MINDY2: variants seen among roughly 807,000 people sequenced by gnomAD.
The protein encoded by MINDY2 is ubiquitin carboxyl-terminal hydrolase MINDY-2.
A neutral mutation model predicts 68.2 loss-of-function variants in MINDY2; 52 were observed. That is an observed-to-expected ratio of 0.76 (90% CI 0.61 to 0.96). The LOEUF is 0.96. Ranked by LOEUF, MINDY2 falls within the 40% of genes least tolerant of loss-of-function variation. The pLI is 0.00. For synonymous variants in MINDY2, 372 were observed against 303.0 expected (o/e 1.23, Z -2.36); for missense variants, 881 against 773.4 (o/e 1.14, Z -1.65).
At chr15:58,848,546 A>G (rs910828224) in intron 7 of MINDY2, among the ~76,000 whole-genome samples, 5 of 152,050 alleles carry the variant, frequency 3.3e-5, no homozygotes, top group Non-Finnish European at 4.4e-5. Flanking sequence ...GATCGAGACC[A>G]TCCTGGCTAA....
rs1228945388 is a variant in MINDY2, at chr15:58,771,822, C to T, written c.427C>T (p.Leu143=). 6.2e-7 allele frequency: 1 copy of T among 1,608,970 alleles called. No individual in the cohort carries two copies. The highest frequency in any genetic ancestry group is 1.3e-5 in the African/African-American group (1 of 74,852). Residue 143 remains leucine, a synonymous_variant, in exon 1 of 9, where the codon CTG becomes TTG. Coordinates refer to ENST00000559228, the MANE Select transcript of MINDY2 (RefSeq NM_001040450.3). ...TCTCGCCGGCACCTGCCAAGCAGAA[C>T]TGACCGCCGCCGGCTCCGAAGAGCC... The part of the protein sequence containing the change: ...PDLAGTCQAE[L]TAAGSEEPSS...
intron 3 of MINDY2, among the ~76,000 whole-genome samples, chr15:58,803,968 A>AAAAC (rs1902849760): frequency 6.8e-6 from 1 of 147,492 alleles, no homozygotes; most frequent in African/African-American, 2.5e-5. Flanking sequence ...AAAAAAAAAA[A>AAAAC]ATACAAAAAA....
intron 6 of MINDY2, among the ~76,000 whole-genome samples, chr15:58,833,999 C>A (rs186298397): frequency 2.1e-3 from 319 of 152,254 alleles, no homozygotes; most frequent in African/African-American, 7.5e-3. Context: ...TCCCTGCAGC[C>A]TTCCGCAGTG....
Position 58,850,907 on chromosome 15 carries a change from T to C in MINDY2, c.1543-864T>C, listed in dbSNP as rs2032778869. Among the ~76,000 whole-genome samples, 2 of 151,984 alleles carry C rather than the reference T, an allele frequency of 1.3e-5. 1 individual carries two copies. The highest frequency in any genetic ancestry group is 4.1e-4 in the South Asian group (2 of 4,820). Reference sequence around the variant, plus strand: ...TGGCTCCCCGCTACTTTTTGTTTGGTTTTGTTTTTAGCTTTCTTGGCTGCC... The same window carrying C: ...TGGCTCCCCGCTACTTTTTGTTTGGCTTTGTTTTTAGCTTTCTTGGCTGCC... On this transcript the variant is annotated intron_variant, in intron 7 of 8. Transcript: ENST00000559228.
rs930641341 is a variant in MINDY2 at position 58,772,833 on chromosome 15, C to T, written c.840+598C>T. ...GTTTTCATTTTATGCATGATTTTTA[C>T]TTGCCTCATTTCTTTGGCTCTCCTT... is the stretch of plus-strand genomic sequence containing the variant. On this transcript the variant is annotated intron_variant, in intron 1 of 8. Transcript: ENST00000559228. Among the ~76,000 whole-genome samples the T allele has an allele frequency of 5.3e-5, 8 of 152,280 alleles. No homozygotes were observed. The East Asian group carries it at 9.6e-4, about 18-fold the overall frequency.
In MINDY2 at chr15:58,771,346, T is replaced by A; in HGVS notation, c.-50T>A. The stretch of plus-strand genomic sequence containing the variant: ...CTGTCATGGCGTCCAAGGCGCTGGC[T>A]GCGGAGAAGTGGCCGCGGTCTCCAT... On this transcript the variant is annotated 5_prime_UTR_variant, in exon 1 of 9. Transcript: ENST00000559228. 1 of 1,561,324 alleles carries A rather than the reference T, an allele frequency of 6.4e-7. No homozygotes were observed. Among genetic ancestry groups the A allele is most frequent in the Non-Finnish European group, 8.6e-7 (1 of 1,156,134 alleles).
At chr15:58,817,181 C>T (rs2030743468) in intron 4 of MINDY2, among the ~76,000 whole-genome samples, 1 of 152,006 alleles carries the variant, frequency 6.6e-6, no homozygotes, top group African/African-American at 2.4e-5. Context: ...AAAAGCAAGC[C>T]ACAGAGTAGA....
At chr15:58,773,662 A>G (rs1034595278) in intron 1 of MINDY2, among the ~76,000 whole-genome samples, 3 of 151,942 alleles carry the variant, frequency 2.0e-5, no homozygotes, top group South Asian at 2.1e-4. Context: ...AGAAAACTTC[A>G]TGGGATTTAT....
chr15:58,836,190 G>A (rs749230287), intron 6 of MINDY2, among the ~76,000 whole-genome samples: 9 of 151,878 alleles, frequency 5.9e-5, no homozygotes, highest in Admixed American at 2.0e-4. Flanking sequence ...GATTACAGGC[G>A]TGAGCGACCG....
At chr15:58,849,086 T>C (rs1423838876) in intron 7 of MINDY2, among the ~76,000 whole-genome samples, 1 of 151,966 alleles carries the variant, frequency 6.6e-6, no homozygotes, top group Non-Finnish European at 1.5e-5. Context: ...GGTGCGCACC[T>C]GTAACCCCAA....
At chr15:58,786,722 T>C (rs1490963824) in intron 1 of MINDY2, among the ~76,000 whole-genome samples, 1 of 152,224 alleles carries the variant, frequency 6.6e-6, no homozygotes, top group Non-Finnish European at 1.5e-5. Context: ...CAGAGCATTG[T>C]CAGCACCTCA....
intron 6 of MINDY2, among the ~76,000 whole-genome samples, chr15:58,839,937 A>G (rs1222679976): frequency 1.3e-5 from 2 of 151,818 alleles, no homozygotes; most frequent in African/African-American, 4.8e-5. Flanking sequence ...GGTTCAAGCA[A>G]TTCTCGTGCC....
Position 58,808,897 on chromosome 15 carries a change from C to A in MINDY2, c.964-1333C>A, listed in dbSNP as rs188923921. On this transcript the variant is annotated intron_variant, in intron 3 of 8. Coordinates refer to ENST00000559228, the MANE Select transcript of MINDY2 (RefSeq NM_001040450.3). ...GGGATTACAGGTGGGAGCCACCGTG[C>A]CCAGCCACTTTTTCATCTTTAAAAC... Among the ~76,000 whole-genome samples the A allele has an allele frequency of 1.2e-3, 182 of 152,312 alleles. 4 individuals carry two copies. The highest frequency in any genetic ancestry group is 0.01 in the Middle Eastern group (3 of 294).
chr15:58,849,566 A>T (rs1275912761), intron 7 of MINDY2, among the ~76,000 whole-genome samples: 2 of 152,184 alleles, frequency 1.3e-5, no homozygotes, highest in African/African-American at 2.4e-5. Context: ...ACAGTAGTCC[A>T]GATAAGGTGT....
chr15:58,841,392 C>T (rs1374837469), intron 6 of MINDY2, among the ~76,000 whole-genome samples: 2 of 150,676 alleles, frequency 1.3e-5, no homozygotes, highest in African/African-American at 4.9e-5. Context: ...AGATAATACG[C>T]TTTTCCTTTC....
chr15:58,832,211 T>C (rs1358463858), intron 6 of MINDY2, among the ~76,000 whole-genome samples: 2 of 151,118 alleles, frequency 1.3e-5, no homozygotes, highest in Non-Finnish European at 2.9e-5. Context: ...ACCCTAGAGA[T>C]AGAACTAGGA....
At chr15:58,782,574 T>C (rs2140906069) in intron 1 of MINDY2, among the ~76,000 whole-genome samples, 1 of 152,310 alleles carries the variant, frequency 6.6e-6, no homozygotes, top group East Asian at 1.9e-4. Flanking sequence ...TATTATTCTT[T>C]CCTCATCGTG....
At chr15:58,846,564 G>A (rs1453145394) in intron 6 of MINDY2, among the ~76,000 whole-genome samples, 1 of 139,222 alleles carries the variant, frequency 7.2e-6, no homozygotes, top group Non-Finnish European at 1.5e-5. Context: ...CTGCACTCCA[G>A]CCTGAGCCTG....
chr15:58,783,133 C>A (rs1194716201), intron 1 of MINDY2, among the ~76,000 whole-genome samples: 1 of 151,876 alleles, frequency 6.6e-6, no homozygotes, highest in East Asian at 1.9e-4. Context: ...GTTAGCCAGG[C>A]TGGTCTTGAA....
Sources: allele counts gnomAD v4.1 joint callset (sites outside exome capture counted in the v4.1 genomes callset), GRCh38; gene constraint gnomAD v4.1.1; transcripts MANE v1.5; gene names NCBI Gene and HGNC (gene_info 2026-07-23, HGNC 2026-07-21).